Variants in POLE observed in about 807,000 individuals in gnomAD.
POLE encodes the protein DNA polymerase epsilon catalytic subunit A.
POLE carries 188 observed loss-of-function variants against 279.2 expected under a neutral mutation model. The observed-to-expected ratio is 0.67, with a 90% CI of 0.60 to 0.76. The LOEUF is 0.76. Among genes scored for constraint, POLE ranks in the 30% least tolerant of loss-of-function variants. POLE has a pLI of 0.00. For synonymous variants in POLE, 1,214 were observed against 1,172.5 expected (o/e 1.04, Z -0.72); for missense variants, 2,703 against 3,016.7 (o/e 0.90, Z 2.44).
chr12:132,648,124 C>A (rs1488931919), intron 32 of POLE, among the ~76,000 whole-genome samples: 1 of 152,166 alleles, frequency 6.6e-6, no homozygotes, highest in Non-Finnish European at 1.5e-5. Flanking sequence ...AGAGCCTCAG[C>A]GCACTCATGG....
At position 132,634,158 on chromosome 12, in the gene POLE, G is replaced by A. The variant is rs1565928334; in HGVS notation, c.6004+28C>T. The A allele has an allele frequency of 6.3e-7, 1 of 1,577,514 alleles. No homozygotes were observed. Among genetic ancestry groups the A allele is most frequent in the Non-Finnish European group, 8.7e-7 (1 of 1,156,030 alleles). Reference sequence around the variant, plus strand: ...CTAACCATGAGTCCCTTCAGTGGGGGCTGCGCAGCCCTGGGCTCTGGGCTT... The same window carrying A: ...CTAACCATGAGTCCCTTCAGTGGGGACTGCGCAGCCCTGGGCTCTGGGCTT... On this transcript the variant is annotated intron_variant, in intron 43 of 48. Coordinates refer to ENST00000320574, the MANE Select transcript of POLE (RefSeq NM_006231.4). This position sits in a 1 kb window ranked among gnomAD's most constrained non-coding sequence, Gnocchi z 4.0.
rs1208783265 is a variant in POLE, at chr12:132,639,031, A to G, written c.5552+94T>C. Reference sequence around the variant, plus strand: ...AACTCAGAAATACACTACTTATCCCAGAGGCACTGGCTGGCCATGTCTCTG... The same window carrying G: ...AACTCAGAAATACACTACTTATCCCGGAGGCACTGGCTGGCCATGTCTCTG... On this transcript the variant is annotated intron_variant, in intron 40 of 48. Transcript: ENST00000320574. The surrounding 1 kb of genome is among the most constrained non-coding windows in gnomAD (Gnocchi z 4.7). 9.6e-7 allele frequency: 1 copy of G among 1,044,524 alleles called. No individual in the cohort carries two copies. The highest frequency in any genetic ancestry group is 1.6e-5 in the African/African-American group (1 of 63,960). 64.7% of individuals were successfully genotyped at this position (1,044,524 alleles called of 1,614,324 possible).
chr12:132,657,497 G>T, intron 27 of POLE, 68 bp from the exon 28 acceptor site: 1 of 1,284,376 alleles, frequency 7.8e-7, no homozygotes, highest in Non-Finnish European at 1.1e-6. Context: ...CTCACTTCAT[G>T]CTGAGCACAG....
Position 132,680,229 on chromosome 12 carries a change from A to C in POLE, c.286-7T>G, listed in dbSNP as rs761992330. 4 of 1,613,498 alleles carry C rather than the reference A, an allele frequency of 2.5e-6. No individual in the cohort carries two copies. The highest frequency in any genetic ancestry group is 1.3e-5 in the African/African-American group (1 of 75,052). On this transcript the variant is annotated splice_region_variant and splice_polypyrimidine_tract_variant and intron_variant, in intron 3 of 48. Coordinates refer to ENST00000320574, the MANE Select transcript of POLE (RefSeq NM_006231.4). ...GTTTATAGGGCAAAGCCACCTGTTA[A>C]GAGTCACCAACCCATCCAGGGGTGA...
chr12:132,625,187 C>A, intron 47 of POLE, 193 bp from the exon 48 acceptor site: 1 of 687,878 alleles, frequency 1.5e-6, no homozygotes. Flanking sequence ...TCCCTACACC[C>A]ACCCTCGCTG....
At position 132,631,466 on chromosome 12, in the gene POLE, G is replaced by A. The variant is rs79059727; in HGVS notation, c.6330+849C>T. ...TTAAAATATGTAAAAGTCAATAAAG[G>A]AATTAAAATGGTGAGCTAAAAACAC... On this transcript the variant is annotated intron_variant, in intron 45 of 48. Transcript: ENST00000320574. Among the ~76,000 whole-genome samples the A allele has an allele frequency of 4.5e-3, 689 of 152,206 alleles. 7 individuals carry two copies. The highest frequency in any genetic ancestry group is 0.015 in the African/African-American group (641 of 41,512).
At chr12:132,643,688 G>T in intron 33 of POLE, 128 bp from the exon 34 acceptor site, 1 of 1,471,150 alleles carries the variant, frequency 6.8e-7, no homozygotes, top group Non-Finnish European at 9.4e-7. Flanking sequence ...GGCCACTTTT[G>T]GCAGACACAC....
chr12:132,683,207 C>A (rs2043203885), intron 1 of POLE, among the ~76,000 whole-genome samples: 1 of 152,092 alleles, frequency 6.6e-6, no homozygotes, highest in Non-Finnish European at 1.5e-5. Flanking sequence ...CTTTGCAGAT[C>A]TGACTAAATT....
chr12:132,681,038 A>C, intron 2 of POLE, 100 bp downstream of exon 2: 1 of 1,407,886 alleles, frequency 7.1e-7, no homozygotes, highest in Admixed American at 2.0e-5. Context: ...TGATTCACTC[A>C]AAGTTCCCTC....
At chr12:132,652,399 G>A (rs1249683487) in intron 29 of POLE, among the ~76,000 whole-genome samples, 1 of 138,680 alleles carries the variant, frequency 7.2e-6, no homozygotes, top group Non-Finnish European at 1.5e-5. Flanking sequence ...TTGGCTCACC[G>A]CAGCCTCAAC....
Position 132,664,508 on chromosome 12 carries a change from C to T in POLE, c.2469-46G>A. 7.0e-7 allele frequency: 1 copy of T among 1,435,660 alleles called. No individual in the cohort carries two copies. The highest frequency in any genetic ancestry group is 9.8e-7 in the Non-Finnish European group (1 of 1,019,736). The allele number at this position is 1,435,660 out of a possible 1,614,324, so 88.9% of individuals were successfully genotyped here. A position where few individuals can be genotyped will look rare whatever the true frequency, so the allele number is the denominator to read the frequency against. ...GGTGGGTGGGGCTGGCATGGCTCCT[C>T]CAGGGGGTATCAGAGGCAGTGAGGA... On this transcript the variant is annotated intron_variant, in intron 21 of 48. Transcript: ENST00000320574. The surrounding 1 kb of genome is among the most constrained non-coding windows in gnomAD (Gnocchi z 5.3).
At chr12:132,631,963 C>T (rs1353794917) in intron 45 of POLE, among the ~76,000 whole-genome samples, 6 of 152,222 alleles carry the variant, frequency 3.9e-5, no homozygotes, top group Non-Finnish European at 8.8e-5. Flanking sequence ...AAGGCAGGAC[C>T]TTTCCTGTCT....
chr12:132,666,728 G>A (rs943192322), intron 20 of POLE, among the ~76,000 whole-genome samples: 3 of 152,186 alleles, frequency 2.0e-5, no homozygotes, highest in Admixed American at 1.3e-4. Flanking sequence ...GAGGTGGGGA[G>A]CTACTGTTTG....
At chr12:132,682,631 A>T (rs528260234) in intron 1 of POLE, among the ~76,000 whole-genome samples, 1 of 152,292 alleles carries the variant, frequency 6.6e-6, no homozygotes, top group African/African-American at 2.4e-5. Context: ...TGACAAATGC[A>T]TGAGAATCAA....
intron 29 of POLE, among the ~76,000 whole-genome samples, chr12:132,654,090 G>A (rs2042480924): frequency 6.6e-6 from 1 of 151,826 alleles, no homozygotes; most frequent in Non-Finnish European, 1.5e-5. Flanking sequence ...TTCATGGCCC[G>A]TAACTTTCCT....
In POLE at chr12:132,639,552, T is replaced by C. The variant is rs1220068510; in HGVS notation, c.5379-254A>G. ...GCTTCACCGCATCCCAAACTCTGTG[T>C]GTTCTAAAGCAGGACGGGAGGGCAG... On this transcript the variant is annotated intron_variant, in intron 39 of 48. Transcript: ENST00000320574. The surrounding 1 kb of genome is among the most constrained non-coding windows in gnomAD (Gnocchi z 4.7). 9.8e-6 allele frequency among the ~76,000 whole-genome samples: 1 copy of C among 102,010 alleles called. No individual in the cohort carries two copies. The highest frequency in any genetic ancestry group is 4.2e-5 in the African/African-American group (1 of 23,962). The allele number at this position is 102,010 out of a possible 152,430, so 66.9% of individuals were successfully genotyped here.
chr12:132,641,086 A>G, intron 39 of POLE: 3 of 456,692 alleles, frequency 6.6e-6, no homozygotes, highest in South Asian at 4.6e-5. Context: ...TCTGAAAAAC[A>G]GACAATAACC....
rs1593772654 is a variant in POLE at position 132,659,445 on chromosome 12, T to C, written c.3125A>G (p.Lys1042Arg). The C allele has an allele frequency of 1.2e-6, 2 of 1,614,216 alleles. No homozygotes were observed. Among genetic ancestry groups the C allele is most frequent in the Non-Finnish European group, 1.7e-6 (2 of 1,180,024 alleles). The part of the protein sequence containing the change: ...LISENRSMSR[K>R]LEDYGEQKST... ...CTTCTGCTCCCCGTAATCTTCCAGC[T>C]TCCGAGACATGGAACGGTTCTCAGA... The change falls in exon 26 of 49, where the codon AAG (lysine) becomes AGG (arginine). Residue 1042 changes from lysine to arginine, a missense_variant. Lys to Arg is a conservative substitution (Grantham distance 26). Around this residue, in one of 5 missense-constraint regions of POLE, gnomAD observed 1,551 missense variants for 1,686.1 expected, o/e 0.92. Transcript: ENST00000320574.
intron 20 of POLE, among the ~76,000 whole-genome samples, chr12:132,667,052 A>G (rs1201272834): frequency 1.3e-5 from 2 of 152,170 alleles, no homozygotes; most frequent in Admixed American, 6.5e-5. Flanking sequence ...AGGTGTTGCT[A>G]TGCATTTTCC....
Sources: gnomAD v4.1 joint callset for allele counts (sites outside exome capture counted in the v4.1 genomes callset) on GRCh38, gnomAD v4.1.1 for gene constraint, gnomAD v4.1.1 regional missense constraint, Gnocchi (gnomAD v3.1) non-coding constraint, MANE v1.5 for transcripts, NCBI Gene and HGNC (gene_info 2026-07-23, HGNC 2026-07-21) for gene names.